Variants in CLHC1 observed in about 807,000 individuals in gnomAD.
CLHC1 encodes clathrin heavy chain linker domain-containing protein 1.
Under a neutral mutation model 69.5 loss-of-function variants are expected in CLHC1, and 72 were observed. The ratio of observed to expected loss-of-function variants is 1.04; its 90% confidence interval spans 0.86 to 1.26. The LOEUF (loss-of-function observed/expected upper bound fraction) is 1.26, where lower values mean the gene tolerates loss of function less well. Among genes scored for constraint, CLHC1 ranks in the 50% most tolerant of loss-of-function variants. The pLI is 0.00. For synonymous variants in CLHC1, 223 were observed against 224.3 expected (o/e 0.99, Z 0.05); for missense variants, 790 against 679.3 (o/e 1.16, Z -1.81).
At position 55,209,744 on chromosome 2, in the gene CLHC1, G is replaced by A. The variant is rs756759990; in HGVS notation, c.587C>T (p.Ala196Val). 1.3e-5 allele frequency: 21 copies of A among 1,611,472 alleles called. No individual in the cohort carries two copies. Among genetic ancestry groups the A allele is most frequent in the Non-Finnish European group, 1.8e-5 (21 of 1,178,030 alleles). The change falls in exon 6 of 13, where the codon GCT (alanine) becomes GTT (valine). Residue 196 changes from alanine to valine, a missense_variant. By Grantham distance (64) the Ala-to-Val change is moderately conservative. Transcript: ENST00000401408. ...LEDKYAEIKQ[A>V]MLIKYVPAQR... The stretch of plus-strand genomic sequence containing the variant: ...AGCTGGCACATATTTTATCAACATA[G>A]CTTGTTTAATTTCTGCATATTTATC...
chr2:55,204,905 TAGA>T (rs1672295008), intron 9 of CLHC1, among the ~76,000 whole-genome samples: 1 of 151,966 alleles, frequency 6.6e-6, no homozygotes, highest in Non-Finnish European at 1.5e-5. Flanking sequence ...ATGAACACAG[TAGA>T]AGGATGGTTA....
Position 55,209,700 on chromosome 2 carries a change from C to A in CLHC1, c.631G>T (p.Asp211Tyr). Residue 211 changes from aspartate to tyrosine, a missense_variant, in exon 6 of 13, where the codon GAT becomes TAT. Physicochemically the swap from Asp to Tyr is radical, Grantham distance 160 (BLOSUM62 -3). Coordinates refer to ENST00000401408, the MANE Select transcript of CLHC1 (RefSeq NM_152385.4). ...TTTAATAACACAATCATTTCTTCAT[C>A]TAAATCAGCCTTCCTCTGAGCTGGC... Reference protein sequence around the residue: ...YVPAQRKADLDEEMIVLLKRR... With the variant: ...YVPAQRKADLYEEMIVLLKRR... 1.2e-6 allele frequency: 2 copies of A among 1,614,088 alleles called. No individual in the cohort carries two copies. The highest frequency in any genetic ancestry group is 1.1e-5 in the South Asian group (1 of 91,074).
chr2:55,222,522 A>T, intron 2 of CLHC1, 29 bp from the exon 3 acceptor site: 1 of 744,372 alleles, frequency 1.3e-6, no homozygotes, highest in Non-Finnish European at 2.1e-6. Flanking sequence ...ATCAATTAAT[A>T]TAATAATTTT....
rs1573558003 is a variant in CLHC1 at position 55,172,865 on chromosome 2, G to C, written c.*2925C>G. On this transcript the variant is annotated 3_prime_UTR_variant, in exon 13 of 13. Coordinates refer to ENST00000401408, the MANE Select transcript of CLHC1 (RefSeq NM_152385.4). The stretch of plus-strand genomic sequence containing the variant: ...TTAGTTAATTCAGGATTTAGGAAAA[G>C]TTCTAAATATTAAAAAAATTTTTTT... Among the ~76,000 whole-genome samples, 1 of 152,110 alleles carries C rather than the reference G, an allele frequency of 6.6e-6. No individual in the cohort carries two copies. Among genetic ancestry groups the C allele is most frequent in the East Asian group, 1.9e-4 (1 of 5,206 alleles).
chr2:55,189,208 A>T (rs1670691794), intron 9 of CLHC1, among the ~76,000 whole-genome samples: 1 of 152,300 alleles, frequency 6.6e-6, no homozygotes, highest in South Asian at 2.1e-4. Flanking sequence ...AAAAGAGGGA[A>T]TTCTTAAAAA....
rs1302910857 is a variant in CLHC1, at chr2:55,206,352, A to G, written c.924T>C (p.Gly308=). The change falls in exon 9 of 13, where the codon GGT becomes GGC. Residue 308 remains glycine, a synonymous_variant. Transcript: ENST00000401408. ...CATAACAAGCTGCCTTTTCATATTC[A>G]CCAAGTGAGATTAACTCATTAAACC... ...IERFNELISL[G]EYEKAACYAA... 2 of 1,606,018 alleles carry G rather than the reference A, an allele frequency of 1.2e-6. No individual in the cohort carries two copies. The highest frequency in any genetic ancestry group is 1.3e-5 in the African/African-American group (1 of 74,760).
intron 9 of CLHC1, among the ~76,000 whole-genome samples, chr2:55,200,342 T>G (rs1671834205): frequency 7.1e-6 from 1 of 140,392 alleles, no homozygotes; most frequent in Non-Finnish European, 1.5e-5. Flanking sequence ...AACACAGGAA[T>G]GGAAAAAGAT....
rs1669321469 is a variant in CLHC1, at chr2:55,175,705, TAA to T, written c.*83_*84del. On this transcript the variant is annotated 3_prime_UTR_variant, in exon 13 of 13. Coordinates refer to ENST00000401408, the MANE Select transcript of CLHC1 (RefSeq NM_152385.4). ...GATCTTCTTACTCTAGATTTATTTA[TAA>T]GTTAGTTACGTTAAAATCAGTTTTT... is the stretch of plus-strand genomic sequence containing the variant. 2 of 811,710 alleles carry T rather than the reference TAA, an allele frequency of 2.5e-6. No individual in the cohort carries two copies. Among genetic ancestry groups the T allele is most frequent in the South Asian group, 2.0e-5 (1 of 50,922 alleles). The allele number at this position is 811,710 out of a possible 1,614,324, so 50.3% of individuals were successfully genotyped here.
chr2:55,181,578 T>C lies in CLHC1; in HGVS notation c.1173A>G (p.Thr391=), dbSNP rs767659174. 5.6e-6 allele frequency: 9 copies of C among 1,605,562 alleles called. No homozygotes were observed. Among genetic ancestry groups the C allele is most frequent in the Admixed American group, 1.7e-5 (1 of 57,316 alleles). ...AGCTTAACTTTGCTTACCTTTCCTG[T>C]GTAACCCAATTGGTAACTAAATCTA... The part of the protein sequence containing the change: ...KRLDLVTNWV[T]QERLTFSEEA... The change falls in exon 10 of 13, where the codon ACA becomes ACG. Residue 391 remains threonine, a synonymous_variant. Coordinates refer to ENST00000401408, the MANE Select transcript of CLHC1 (RefSeq NM_152385.4).
At chr2:55,219,903 C>G (rs1673946554) in intron 3 of CLHC1, among the ~76,000 whole-genome samples, 1 of 152,138 alleles carries the variant, frequency 6.6e-6, no homozygotes, top group South Asian at 2.1e-4. Context: ...TCCCTGCCCA[C>G]CTTTTCTTTT....
intron 5 of CLHC1, among the ~76,000 whole-genome samples, chr2:55,211,664 C>G (rs1020914140): frequency 2.0e-5 from 3 of 152,008 alleles, no homozygotes; most frequent in Non-Finnish European, 4.4e-5. Flanking sequence ...AAATTTCTAC[C>G]TATTAATCCT....
At chr2:55,217,550 A>AAAAAAT (rs1673670486) in intron 4 of CLHC1, among the ~76,000 whole-genome samples, 1 of 59,634 alleles carries the variant, frequency 1.7e-5, no homozygotes, top group Non-Finnish European at 2.9e-5. Context: ...AAAAAAAAAA[A>AAAAAAT]AAATATATAT....
chr2:55,196,535 G>A (rs1671433317), intron 9 of CLHC1, among the ~76,000 whole-genome samples: 1 of 152,228 alleles, frequency 6.6e-6, no homozygotes, highest in East Asian at 1.9e-4. Flanking sequence ...AGAGTCATGA[G>A]GCCCCTATTC....
intron 12 of CLHC1, among the ~76,000 whole-genome samples, chr2:55,177,127 C>T (rs1423951370): frequency 6.6e-6 from 1 of 152,154 alleles, no homozygotes; most frequent in African/African-American, 2.4e-5. Flanking sequence ...CCCGCCTCAG[C>T]CCCCCAAAGT....
intron 4 of CLHC1, among the ~76,000 whole-genome samples, chr2:55,215,599 C>G (rs1673417574): frequency 6.6e-6 from 1 of 152,152 alleles, no homozygotes; most frequent in Non-Finnish European, 1.5e-5. Flanking sequence ...AGGGGTGGAG[C>G]AGTTTACCTC....
intron 9 of CLHC1, among the ~76,000 whole-genome samples, chr2:55,182,324 G>GT (rs1670011032): frequency 6.6e-6 from 1 of 152,122 alleles, no homozygotes; most frequent in African/African-American, 2.4e-5. Flanking sequence ...ATAATTCAAT[G>GT]AGGATGACAA....
chr2:55,185,340 G>T (rs1337965257), intron 9 of CLHC1, among the ~76,000 whole-genome samples: 1 of 152,090 alleles, frequency 6.6e-6, no homozygotes, highest in Non-Finnish European at 1.5e-5. Flanking sequence ...TATTTAAAAA[G>T]CTATTCCTCA....
intron 9 of CLHC1, among the ~76,000 whole-genome samples, chr2:55,184,359 C>A (rs1412278096): frequency 6.6e-6 from 1 of 152,076 alleles, no homozygotes; most frequent in Non-Finnish European, 1.5e-5. Flanking sequence ...CCTGCCTCAG[C>A]CTCCCAAAGT....
At chr2:55,181,418 C>G in intron 10 of CLHC1, 152 bp downstream of exon 10, 1 of 632,876 alleles carries the variant, frequency 1.6e-6, no homozygotes, top group Non-Finnish European at 2.6e-6. Flanking sequence ...CATGAGCCAC[C>G]ACACCCGACC....
Sources: gnomAD v4.1 joint callset for allele counts (sites outside exome capture counted in the v4.1 genomes callset) on GRCh38, gnomAD v4.1.1 for gene constraint, MANE v1.5 for transcripts, NCBI Gene and HGNC (gene_info 2026-07-23, HGNC 2026-07-21) for gene names.